The following HECW2 variants were observed in gnomAD, a reference collection of about 807,000 sequenced individuals.
HECW2 encodes the protein HECT, C2 and WW domain containing E3 ubiquitin protein ligase 2.
Under a neutral mutation model 175.2 loss-of-function variants are expected in HECW2, and 61 were observed. The observed-to-expected ratio is 0.35, with a 90% CI of 0.28 to 0.43. The LOEUF is 0.43. Ranked by LOEUF, HECW2 falls within the 20% of genes least tolerant of loss-of-function variation. The pLI, the probability that HECW2 is intolerant of heterozygous loss-of-function variation, is 1.00. For synonymous variants in HECW2, 671 were observed against 731.0 expected (o/e 0.92, Z 1.32); for missense variants, 1,524 against 2,000.5 (o/e 0.76, Z 4.54).
chr2:196,243,353 G>T (rs929367423), intron 19 of HECW2, among the ~76,000 whole-genome samples: 5 of 151,768 alleles, frequency 3.3e-5, no homozygotes, highest in African/African-American at 4.8e-5. Flanking sequence ...TTTTAGTAGG[G>T]TCATGGTTTC....
chr2:196,439,645 CAG>C (rs1433804063), intron 1 of HECW2, among the ~76,000 whole-genome samples: 1 of 152,112 alleles, frequency 6.6e-6, no homozygotes, highest in Non-Finnish European at 1.5e-5. Flanking sequence ...AGATGTAAGA[CAG>C]AGGAGACAAG....
intron 1 of HECW2, among the ~76,000 whole-genome samples, chr2:196,499,307 T>G (rs1386799379): frequency 6.6e-6 from 1 of 150,434 alleles, no homozygotes; most frequent in African/African-American, 2.4e-5. Flanking sequence ...GACAAACTTC[T>G]TAAAAAAAAA....
intron 1 of HECW2, among the ~76,000 whole-genome samples, chr2:196,436,053 C>A (rs964292520): frequency 2.6e-5 from 4 of 152,188 alleles, no homozygotes; most frequent in Non-Finnish European, 5.9e-5. Flanking sequence ...GCAGTGAGGA[C>A]CTCAGATATC....
At chr2:196,317,863 G>C (rs971610222) in intron 9 of HECW2, among the ~76,000 whole-genome samples, 1 of 152,182 alleles carries the variant, frequency 6.6e-6, no homozygotes, top group Non-Finnish European at 1.5e-5. Flanking sequence ...TCATTCTAGA[G>C]AGCTGCATTC....
chr2:196,219,245 A>G (rs1471339516), intron 26 of HECW2, among the ~76,000 whole-genome samples: 1 of 152,208 alleles, frequency 6.6e-6, no homozygotes, highest in African/African-American at 2.4e-5. Context: ...AACAACTGGT[A>G]TTTGTCATGA....
At chr2:196,580,918 GGATA>G (rs1448700423) in intron 1 of HECW2, among the ~76,000 whole-genome samples, 1 of 152,078 alleles carries the variant, frequency 6.6e-6, no homozygotes, top group African/African-American at 2.4e-5. Context: ...ACTGATGGAT[GGATA>G]AACAAAATGA....
intron 1 of HECW2, among the ~76,000 whole-genome samples, chr2:196,578,174 T>C (rs1354593827): frequency 6.6e-6 from 1 of 151,952 alleles, no homozygotes; most frequent in Admixed American, 6.6e-5. Flanking sequence ...GAAAAAAGCT[T>C]TAAAGGACCA....
chr2:196,255,599 C>T (rs1207257021), intron 18 of HECW2, among the ~76,000 whole-genome samples: 1 of 152,118 alleles, frequency 6.6e-6, no homozygotes, highest in African/African-American at 2.4e-5. Flanking sequence ...TGTCCTAGAG[C>T]AACACTATCT....
chr2:196,327,103 G>A (rs1229948327), intron 5 of HECW2, among the ~76,000 whole-genome samples: 1 of 152,148 alleles, frequency 6.6e-6, no homozygotes, highest in African/African-American at 2.4e-5. Context: ...TCTCTTTGTA[G>A]TAAATAAAGA....
At chr2:196,209,267 T>G (rs970712295) in intron 28 of HECW2, among the ~76,000 whole-genome samples, 6 of 152,244 alleles carry the variant, frequency 3.9e-5, no homozygotes, top group Non-Finnish European at 8.8e-5. Context: ...CTCATTCCAT[T>G]AAAGTCACAA....
rs192959938 is a variant in HECW2, at chr2:196,319,030, G to A, written c.1860C>T (p.Ala620=). Residue 620 remains alanine (A), a synonymous_variant, in exon 9 of 29, where the codon GCC becomes GCT. Transcript: ENST00000644978. ...TGGCTTCGCTCACACTCTCTGTCCTGGCAGGATCACTGGGTTCTGTTTCAG... is the reference window on the plus strand; with the variant it reads ...TGGCTTCGCTCACACTCTCTGTCCTAGCAGGATCACTGGGTTCTGTTTCAG... ...VSSETEPSDP[A]RTESVSEAST... is the part of the protein sequence containing the mutation. The A allele has an allele frequency of 6.2e-7, 1 of 1,613,748 alleles. No individual in the cohort carries two copies. The highest frequency in any genetic ancestry group is 8.5e-7 in the Non-Finnish European group (1 of 1,179,940).
intron 3 of HECW2, among the ~76,000 whole-genome samples, chr2:196,341,126 GAT>G (rs1433273553): frequency 6.6e-6 from 1 of 152,158 alleles, no homozygotes; most frequent in African/African-American, 2.4e-5. Flanking sequence ...CAGTAAAGGG[GAT>G]ACTCTGTAAA....
At chr2:196,486,479 AACC>A (rs1463929348) in intron 1 of HECW2, among the ~76,000 whole-genome samples, 1 of 152,124 alleles carries the variant, frequency 6.6e-6, no homozygotes, top group African/African-American at 2.4e-5. Flanking sequence ...GATTCTGGAA[AACC>A]CTCAAGCCCA....
intron 2 of HECW2, among the ~76,000 whole-genome samples, chr2:196,378,043 A>C (rs1694100413): frequency 1.3e-5 from 2 of 152,236 alleles, no homozygotes; most frequent in African/African-American, 4.8e-5. Flanking sequence ...TATTACTCTA[A>C]GAGTAGCAAA....
intron 2 of HECW2, among the ~76,000 whole-genome samples, chr2:196,348,021 C>G (rs573041158): frequency 6.6e-6 from 1 of 152,270 alleles, no homozygotes; most frequent in Non-Finnish European, 1.5e-5. Flanking sequence ...CCTACTGTGG[C>G]TAGCAGAGCT....
chr2:196,233,157 T>C (rs1372157876), intron 21 of HECW2, among the ~76,000 whole-genome samples: 1 of 152,232 alleles, frequency 6.6e-6, no homozygotes, highest in Non-Finnish European at 1.5e-5. Flanking sequence ...GTTACATTCC[T>C]GTTTTGCCAG....
chr2:196,214,897 T>C (rs1687416784), intron 28 of HECW2, among the ~76,000 whole-genome samples: 3 of 152,124 alleles, frequency 2.0e-5, no homozygotes, highest in South Asian at 4.1e-4. Context: ...CCTTATATAG[T>C]AACAATAATA....
intron 20 of HECW2, among the ~76,000 whole-genome samples, chr2:196,241,454 G>C (rs1688451317): frequency 6.6e-6 from 1 of 152,218 alleles, no homozygotes. Flanking sequence ...GGGTGCTCCA[G>C]TGGAGACCGT....
rs927257541 is a variant in HECW2 at position 196,198,343 on chromosome 2, G to T, written c.*2934C>A. The T allele has an allele frequency of 6.6e-6, 1 of 152,024 alleles. No homozygotes were observed. Among genetic ancestry groups the T allele is most frequent in the African/African-American group, 2.4e-5 (1 of 41,404 alleles). The allele number at this position is 152,024 out of a possible 1,614,324, so 9.4% of individuals were successfully genotyped here. ...AACAGCATTGATGTAATTTTTTTTA[G>T]CCACACTATCATCTATATATGAAGC... On this transcript the variant is annotated 3_prime_UTR_variant, in exon 29 of 29. Coordinates refer to ENST00000644978, the MANE Select transcript of HECW2 (RefSeq NM_001348768.2).
Sources: allele counts gnomAD v4.1 joint callset (sites outside exome capture counted in the v4.1 genomes callset), GRCh38; gene constraint gnomAD v4.1.1; transcripts MANE v1.5; gene names NCBI Gene and HGNC (gene_info 2026-07-23, HGNC 2026-07-21).